Variants in MIGA2 observed in about 807,000 individuals in gnomAD.
MIGA2 encodes family with sequence similarity 73, member B.
MIGA2 carries 36 observed loss-of-function variants against 69.9 expected under a neutral mutation model. The observed-to-expected ratio is 0.52, with a 90% confidence interval of 0.39 to 0.68. The LOEUF is 0.68. Among genes scored for constraint, MIGA2 ranks in the 30% least tolerant of loss-of-function variants. The probability of loss-of-function intolerance (pLI) is 0.00; values close to 1 mark genes in which losing one functional copy is unlikely to be tolerated. For missense variants in MIGA2, 660 were observed against 787.7 expected (o/e 0.84, Z 1.94); for synonymous variants, 333 against 349.2 (o/e 0.95, Z 0.52).
chr9:129,056,989 A>G (rs928337364), intron 6 of MIGA2, among the ~76,000 whole-genome samples: 14 of 151,890 alleles, frequency 9.2e-5, no homozygotes, highest in African/African-American at 2.9e-4. Context: ...AACCGAGATC[A>G]TGCCACTGCA....
rs1025644434 is a variant in MIGA2 at position 129,048,650 on chromosome 9, TCTCA to T, written c.420+115_420+118del. On this transcript the variant is annotated intron_variant, in intron 4 of 15. Coordinates refer to ENST00000684074, the MANE Select transcript of MIGA2 (RefSeq NM_001329990.2). ...GTAGAGTCCATTCATTCATTCTCTC[TCTCA>T]CTCCTCCACCCACGCGGGCTTTCAG... 9 of 801,962 alleles carry T rather than the reference TCTCA, an allele frequency of 1.1e-5. No homozygotes were observed. In the African/African-American group the frequency reaches 1.5e-4, roughly 14 times the overall value. The allele number at this position is 801,962 out of a possible 1,614,324, so 49.7% of individuals were successfully genotyped here.
chr9:129,051,284 ATT>A (rs747480607), intron 6 of MIGA2: 46 of 160,544 alleles, frequency 2.9e-4, no homozygotes, highest in South Asian at 6.4e-4. Context: ...TTATTTATTT[ATT>A]TTTTTTTTTG....
rs200781548 is a variant in MIGA2, at chr9:129,049,416, G to A, written c.456G>A (p.Ala152=). The change falls in exon 5 of 16, where the codon GCG becomes GCA. Residue 152 remains alanine (A), a synonymous_variant. Coordinates refer to ENST00000684074, the MANE Select transcript of MIGA2 (RefSeq NM_001329990.2). ...TGAACTCATCCAGCCCCACAGCCGC[G>A]TGCTCGGGACTATGGGATGCCAGAG... ...MAVNSSSPTA[A]CSGLWDARGM... is the part of the protein sequence containing the mutation. 6.2e-6 allele frequency: 10 copies of A among 1,613,506 alleles called. No individual in the cohort carries two copies. Among genetic ancestry groups the A allele is most frequent in the Middle Eastern group, 1.6e-4 (1 of 6,062 alleles).
intron 15 of MIGA2, 120 bp from the exon 16 acceptor site, chr9:129,070,127 C>T: frequency 7.7e-7 from 1 of 1,305,294 alleles, no homozygotes; most frequent in Non-Finnish European, 1.1e-6. Flanking sequence ...GAGGGAGGAG[C>T]CTGGGGATGG....
At chr9:129,070,221 G>GCCTGACACCAGC (rs770720274) in intron 15 of MIGA2, 26 bp from the exon 16 acceptor site, 2 of 1,604,374 alleles carry the variant, frequency 1.2e-6, no homozygotes, top group South Asian at 2.2e-5. Context: ...GCTGGGCCAG[G>GCCTGACACCAGC]CCTGACACCA....
chr9:129,052,571 A>AT (rs1167366912), intron 6 of MIGA2, among the ~76,000 whole-genome samples: 1 of 151,508 alleles, frequency 6.6e-6, no homozygotes, highest in African/African-American at 2.4e-5. Flanking sequence ...GAGCCCAGGA[A>AT]TTTGAGGGGA....
At chr9:129,045,705 C>T (rs1353746256) in intron 3 of MIGA2, among the ~76,000 whole-genome samples, 1 of 151,676 alleles carries the variant, frequency 6.6e-6, no homozygotes, top group Non-Finnish European at 1.5e-5. Flanking sequence ...GCCAGGAATT[C>T]AAGACCAGCC....
At position 129,069,797 on chromosome 9, in the gene MIGA2, C is replaced by A; in HGVS notation, c.1459-52C>A. On this transcript the variant is annotated intron_variant, in intron 14 of 15. Transcript: ENST00000684074. The surrounding 1 kb of genome is among the most constrained non-coding windows in gnomAD (Gnocchi z 4.9). ...CTTTATGCGACACCTGGGCCTGGTG[C>A]CCTCATCCTACCTGGGCCCCGCCTG... 1 of 1,260,190 alleles carries A rather than the reference C, an allele frequency of 7.9e-7. No homozygotes were observed. Among genetic ancestry groups the A allele is most frequent in the Non-Finnish European group, 1.2e-6 (1 of 859,558 alleles). The allele number at this position is 1,260,190 out of a possible 1,614,324, so 78.1% of individuals were successfully genotyped here.
intron 3 of MIGA2, among the ~76,000 whole-genome samples, chr9:129,046,741 C>T (rs1437348211): frequency 2.0e-5 from 3 of 151,680 alleles, no homozygotes; most frequent in East Asian, 1.9e-4. Context: ...CCACCACACC[C>T]GGCTTTCTTT....
intron 3 of MIGA2, among the ~76,000 whole-genome samples, chr9:129,046,433 G>T (rs1028512897): frequency 6.6e-6 from 1 of 151,948 alleles, no homozygotes; most frequent in Non-Finnish European, 1.5e-5. Context: ...AGACCAGCCT[G>T]GGTGGTATGT....
Position 129,042,336 on chromosome 9 carries a change from C to G in MIGA2, c.129C>G (p.Gly43=). 1.2e-6 allele frequency: 2 copies of G among 1,612,814 alleles called. No individual in the cohort carries two copies. Among genetic ancestry groups the G allele is most frequent in the Non-Finnish European group, 1.7e-6 (2 of 1,180,004 alleles). Reference sequence around the variant, plus strand: ...TCTCCCAGCTACGGTTGACGCCAGGCCTGCGGAAAGTCCTCTTTGCCACGG... The same window carrying G: ...TCTCCCAGCTACGGTTGACGCCAGGGCTGCGGAAAGTCCTCTTTGCCACGG... ...SAFSQLRLTP[G]LRKVLFATAL... The change falls in exon 3 of 16, where the codon GGC becomes GGG. Residue 43 remains glycine, a synonymous_variant. Coordinates refer to ENST00000684074, the MANE Select transcript of MIGA2 (RefSeq NM_001329990.2).
chr9:129,064,140 G>A (rs776528599), intron 11 of MIGA2, among the ~76,000 whole-genome samples: 4 of 152,168 alleles, frequency 2.6e-5, no homozygotes, highest in Non-Finnish European at 5.9e-5. Context: ...ATCACTGCCA[G>A]CAATATAAGG....
intron 6 of MIGA2, among the ~76,000 whole-genome samples, chr9:129,055,848 GAAA>G (rs561485747): frequency 7.4e-6 from 1 of 135,500 alleles, no homozygotes; most frequent in African/African-American, 2.7e-5. Context: ...GACTCCATCT[GAAA>G]AAAAAAAAAA....
At chr9:129,057,470 T>A (rs1023894033) in intron 6 of MIGA2, among the ~76,000 whole-genome samples, 9 of 151,750 alleles carry the variant, frequency 5.9e-5, no homozygotes, top group Non-Finnish European at 1.2e-4. Context: ...ATTTTTTGTA[T>A]TTTTAGTAGA....
chr9:129,063,367 G>A (rs748807702), intron 10 of MIGA2, 51 bp downstream of exon 10: 9 of 1,607,272 alleles, frequency 5.6e-6, no homozygotes, highest in African/African-American at 5.3e-5. Context: ...GGGTAGTCAG[G>A]CTGGCCATGG....
chr9:129,040,414 G>A, intron 1 of MIGA2, 38 bp from the exon 2 acceptor site: 2 of 1,342,368 alleles, frequency 1.5e-6, no homozygotes, highest in Non-Finnish European at 1.9e-6. Context: ...GTTCCCGTGT[G>A]CACGTTCTCT....
chr9:129,043,107 T>C (rs1402673242), intron 3 of MIGA2, among the ~76,000 whole-genome samples: 2 of 151,326 alleles, frequency 1.3e-5, no homozygotes, highest in East Asian at 2.0e-4. Flanking sequence ...GGCAGGAGAA[T>C]GGCGTGAACC....
At chr9:129,046,239 A>G (rs1845214781) in intron 3 of MIGA2, among the ~76,000 whole-genome samples, 1 of 152,150 alleles carries the variant, frequency 6.6e-6, no homozygotes, top group Admixed American at 6.6e-5. Flanking sequence ...CTGTCCTGGG[A>G]AACCTGGAGT....
At chr9:129,043,235 AT>A (rs954968050) in intron 3 of MIGA2, among the ~76,000 whole-genome samples, 45 of 152,094 alleles carry the variant, frequency 3.0e-4, no homozygotes, top group African/African-American at 1.0e-3. Flanking sequence ...ATGCAGTAAG[AT>A]TCGTACTTTT....
Sources: allele counts gnomAD v4.1 joint callset (sites outside exome capture counted in the v4.1 genomes callset), GRCh38; gene constraint gnomAD v4.1.1; non-coding constraint Gnocchi (gnomAD v3.1); transcripts MANE v1.5; gene names NCBI Gene and HGNC (gene_info 2026-07-23, HGNC 2026-07-21).